Variants in PID1 observed in about 807,000 individuals in gnomAD.
PID1 encodes the protein PTB-containing, cubilin and LRP1-interacting protein.
A neutral mutation model predicts 19.1 loss-of-function variants in PID1; 10 were observed. That is an observed-to-expected ratio of 0.52 (90% CI 0.32 to 0.89). PID1 has a LOEUF of 0.89. Ranked by LOEUF, PID1 falls within the 40% of genes least tolerant of loss-of-function variation. The probability of loss-of-function intolerance (pLI) is 0.03; values close to 1 mark genes in which losing one functional copy is unlikely to be tolerated. For missense variants in PID1, 248 were observed against 285.3 expected (o/e 0.87, Z 0.94); for synonymous variants, 130 against 116.0 (o/e 1.12, Z -0.78).
At chr2:229,094,738 T>G (rs1694940958) in intron 2 of PID1, among the ~76,000 whole-genome samples, 1 of 152,020 alleles carries the variant, frequency 6.6e-6, no homozygotes, top group African/African-American at 2.4e-5. Flanking sequence ...CACTTGTAGA[T>G]GAATGACACT....
intron 2 of PID1, among the ~76,000 whole-genome samples, chr2:229,139,702 C>G (rs1238578221): frequency 6.6e-6 from 1 of 152,096 alleles, no homozygotes; most frequent in African/African-American, 2.4e-5. Flanking sequence ...CAGACCGTGG[C>G]CAAAGCTACA....
intron 1 of PID1, among the ~76,000 whole-genome samples, chr2:229,206,380 G>A (rs534898104): frequency 6.6e-6 from 1 of 152,100 alleles, no homozygotes; most frequent in South Asian, 2.1e-4. Flanking sequence ...AAAGGGATAT[G>A]AATGACAGAG....
intron 2 of PID1, among the ~76,000 whole-genome samples, chr2:229,053,223 A>G (rs1438089911): frequency 1.3e-5 from 2 of 152,086 alleles, no homozygotes; most frequent in Non-Finnish European, 2.9e-5. Context: ...TTGACTGGAC[A>G]TTTCTCATAC....
At chr2:229,128,233 A>T (rs1280234829) in intron 2 of PID1, among the ~76,000 whole-genome samples, 1 of 152,204 alleles carries the variant, frequency 6.6e-6, no homozygotes, top group Non-Finnish European at 1.5e-5. Context: ...GCAACCTCTC[A>T]GAAGGCACTT....
chr2:229,135,370 C>A (rs966808816), intron 2 of PID1, among the ~76,000 whole-genome samples: 4 of 152,078 alleles, frequency 2.6e-5, no homozygotes, highest in Non-Finnish European at 4.4e-5. Flanking sequence ...AAGTATTATG[C>A]TAAGTGAAAA....
intron 2 of PID1, among the ~76,000 whole-genome samples, chr2:229,045,565 G>C (rs2106178642): frequency 6.6e-6 from 1 of 152,340 alleles, no homozygotes; most frequent in East Asian, 1.9e-4. Flanking sequence ...ACAGGTGGCA[G>C]TGATGTCTTA....
chr2:229,155,180 T>C (rs1428833301), intron 2 of PID1, among the ~76,000 whole-genome samples: 1 of 152,184 alleles, frequency 6.6e-6, no homozygotes, highest in Non-Finnish European at 1.5e-5. Context: ...GGAAGAATTA[T>C]CATTAAGAAC....
intron 2 of PID1, among the ~76,000 whole-genome samples, chr2:229,090,797 A>T (rs1290125197): frequency 1.3e-5 from 2 of 152,228 alleles, no homozygotes; most frequent in Admixed American, 1.3e-4. Context: ...CATGATTCAC[A>T]CATATAATTA....
At position 229,157,178 on chromosome 2, in the gene PID1, T is replaced by C. The variant is rs76445817; in HGVS notation, c.31-1214A>G. ...CAATGCCTTTGGTTTAATGTCCCCA[T>C]CTTGAAAGTGGGAGGCCAAGGAAAG... On this transcript the variant is annotated intron_variant, in intron 1 of 2. Coordinates refer to ENST00000392055, the MANE Select transcript of PID1 (RefSeq NM_001100818.2). 4.0e-3 allele frequency among the ~76,000 whole-genome samples: 609 copies of C among 152,258 alleles called. 2 individuals are homozygous for C. The highest frequency in any genetic ancestry group is 6.8e-3 in the Middle Eastern group (2 of 294).
chr2:229,251,944 T>TAAAAAAAAA (rs11284650), intron 1 of PID1, among the ~76,000 whole-genome samples: 1 of 71,474 alleles, frequency 1.4e-5, no homozygotes, highest in Non-Finnish European at 2.9e-5. Flanking sequence ...AACCATAAGC[T>TAAAAAAAAA]AAAAAAAAAA....
At chr2:229,165,479 G>T (rs1184698098) in intron 1 of PID1, among the ~76,000 whole-genome samples, 2 of 151,904 alleles carry the variant, frequency 1.3e-5, no homozygotes, top group Admixed American at 6.6e-5. Context: ...TACTTGGGAG[G>T]CTGAGGTGGC....
intron 2 of PID1, among the ~76,000 whole-genome samples, chr2:229,112,553 T>A (rs1695319346): frequency 6.6e-6 from 1 of 152,172 alleles, no homozygotes. Flanking sequence ...TGGCGCAATC[T>A]CAGCTCACTG....
chr2:229,125,842 G>T (rs1017296485), intron 2 of PID1, among the ~76,000 whole-genome samples: 1 of 152,140 alleles, frequency 6.6e-6, no homozygotes, highest in Non-Finnish European at 1.5e-5. Context: ...GGCAGCTGGT[G>T]TACCACAGAA....
At chr2:229,076,331 T>C (rs1694556749) in intron 2 of PID1, among the ~76,000 whole-genome samples, 1 of 152,146 alleles carries the variant, frequency 6.6e-6, no homozygotes, top group African/African-American at 2.4e-5. Flanking sequence ...CAAGACAATT[T>C]TGCATTTATG....
At chr2:229,239,003 C>G (rs1689797426) in intron 1 of PID1, among the ~76,000 whole-genome samples, 1 of 151,574 alleles carries the variant, frequency 6.6e-6, no homozygotes, top group African/African-American at 2.4e-5. Context: ...TATTCAACAC[C>G]CCGCTACTAT....
At chr2:229,132,926 T>C (rs987181649) in intron 2 of PID1, among the ~76,000 whole-genome samples, 1 of 152,216 alleles carries the variant, frequency 6.6e-6, no homozygotes, top group African/African-American at 2.4e-5. Context: ...GGCTGAAATT[T>C]TGAAAAAGGA....
At chr2:229,201,985 T>G (rs1456644756) in intron 1 of PID1, among the ~76,000 whole-genome samples, 1 of 152,096 alleles carries the variant, frequency 6.6e-6, no homozygotes, top group East Asian at 1.9e-4. Context: ...CCACAATATT[T>G]TTTAGGCCTA....
At chr2:229,056,007 A>T (rs1694092271) in intron 2 of PID1, among the ~76,000 whole-genome samples, 1 of 152,194 alleles carries the variant, frequency 6.6e-6, no homozygotes, top group South Asian at 2.1e-4. Context: ...CCTCACATTC[A>T]ATTAACCCTT....
At chr2:229,112,160 C>T (rs1695311897) in intron 2 of PID1, among the ~76,000 whole-genome samples, 1 of 152,186 alleles carries the variant, frequency 6.6e-6, no homozygotes. Flanking sequence ...TTCAATCATG[C>T]AAAGTTTTCA....
Sources: allele counts gnomAD v4.1 joint callset (sites outside exome capture counted in the v4.1 genomes callset), GRCh38; gene constraint gnomAD v4.1.1; transcripts MANE v1.5; gene names NCBI Gene and HGNC (gene_info 2026-07-23, HGNC 2026-07-21).